Variants in NCKAP5 observed in about 807,000 individuals in gnomAD.
NCKAP5 encodes nck-associated protein 5.
A neutral mutation model predicts 167.0 loss-of-function variants in NCKAP5; 92 were observed. That is an observed-to-expected ratio of 0.55 (90% confidence interval 0.47 to 0.66). NCKAP5 has a LOEUF of 0.66. Among genes scored for constraint, NCKAP5 ranks in the 30% least tolerant of loss-of-function variants. NCKAP5 has a pLI of 0.00. For synonymous variants in NCKAP5, 891 were observed against 877.4 expected, an observed-to-expected ratio of 1.02 and a Z score of -0.27; for missense variants, 2,378 against 2,315.0, an observed-to-expected ratio of 1.03 and a Z score of -0.56.
At position 133,195,283 on chromosome 2, in the gene NCKAP5, G is replaced by A. The variant is rs116822779; in HGVS notation, c.207+18433C>T. Reference sequence around the variant, plus strand: ...GCTATCGAAATGACAAAAGTTAAAAGTTTCAGAATATATGATTATTAGGTG... The same window carrying A: ...GCTATCGAAATGACAAAAGTTAAAAATTTCAGAATATATGATTATTAGGTG... On this transcript the variant is annotated intron_variant, in intron 5 of 19. Transcript: ENST00000409261. Among the ~76,000 whole-genome samples, 1,449 of 152,228 alleles carry A rather than the reference G, an allele frequency of 9.5e-3. 26 individuals carry two copies. The highest frequency in any genetic ancestry group is 0.033 in the African/African-American group (1,386 of 41,534).
intron 3 of NCKAP5, among the ~76,000 whole-genome samples, chr2:133,449,728 C>T (rs558033216): frequency 6.6e-6 from 1 of 152,140 alleles, no homozygotes; most frequent in East Asian, 1.9e-4. Context: ...TTGACTTTAC[C>T]ACCTTTTCTC....
At chr2:133,238,167 T>C (rs990592983) in intron 4 of NCKAP5, among the ~76,000 whole-genome samples, 1 of 152,224 alleles carries the variant, frequency 6.6e-6, no homozygotes, top group Admixed American at 6.5e-5. Flanking sequence ...TTTAATTATA[T>C]GAGCACACCT....
At chr2:132,795,809 A>AC (rs1422923332) in intron 12 of NCKAP5, among the ~76,000 whole-genome samples, 5 of 128,528 alleles carry the variant, frequency 3.9e-5, no homozygotes, top group Non-Finnish European at 8.0e-5. Flanking sequence ...ACAGGATGAG[A>AC]CCCCGTATCA....
intron 8 of NCKAP5, among the ~76,000 whole-genome samples, chr2:132,932,376 C>T (rs1696451455): frequency 6.6e-6 from 1 of 151,694 alleles, no homozygotes; most frequent in Admixed American, 6.6e-5. Context: ...AGCGAAAGTT[C>T]CCCTAATTGT....
chr2:133,584,872 TA>T, the NCKAP5 span, among the ~76,000 whole-genome samples: 1 of 150,812 alleles, frequency 6.6e-6, no homozygotes, highest in African/African-American at 2.4e-5. Context: ...CAATAGTTAA[TA>T]AAACTGTATT....
intron 11 of NCKAP5, among the ~76,000 whole-genome samples, chr2:132,848,134 A>T (rs720474): frequency 0.079 from 11,975 of 152,242 alleles, 948 homozygotes; most frequent in African/African-American, 0.19. Flanking sequence ...GCTACTGAAA[A>T]GAACAGTATG....
At chr2:133,038,556 G>C (rs2079110073) in intron 6 of NCKAP5, among the ~76,000 whole-genome samples, 1 of 152,090 alleles carries the variant, frequency 6.6e-6, no homozygotes, top group Admixed American at 6.6e-5. Flanking sequence ...TCTACTATTT[G>C]ATAGCTCAAC....
At position 132,843,383 on chromosome 2, in the gene NCKAP5, T is replaced by G. The variant is rs182700193; in HGVS notation, c.807+17109A>C. 6.1e-3 allele frequency among the ~76,000 whole-genome samples: 925 copies of G among 152,252 alleles called. 7 individuals carry two copies. Among genetic ancestry groups the G allele is most frequent in the Non-Finnish European group, 5.9e-3 (404 of 67,990 alleles). ...TATGTTTAACTGCTTTGGTTTTTGG[T>G]GTATACAATTTTATGACTTAAATTT... On this transcript the variant is annotated intron_variant, in intron 11 of 19. Transcript: ENST00000409261.
At chr2:133,485,106 G>A (rs1680792475) in intron 3 of NCKAP5, among the ~76,000 whole-genome samples, 1 of 152,126 alleles carries the variant, frequency 6.6e-6, no homozygotes, top group Admixed American at 6.5e-5. Context: ...CCTTAATGAG[G>A]TCAGTGCTCA....
Position 133,380,586 on chromosome 2 carries a change from T to A in NCKAP5, c.70-77476A>T, listed in dbSNP as rs900631496. On this transcript the variant is annotated intron_variant, in intron 3 of 19. Coordinates refer to ENST00000409261, the MANE Select transcript of NCKAP5 (RefSeq NM_207363.3). ...TCCAAGGTAAGTAGCTTTAGGGTCT[T>A]GTCTAACTTCCAAACATTCAGCTCT... Among the ~76,000 whole-genome samples, 3 of 152,338 alleles carry A rather than the reference T, an allele frequency of 2.0e-5. No individual in the cohort carries two copies. The East Asian group carries it at 5.8e-4, about 29-fold the overall frequency.
chr2:132,808,704 T>A (rs1285997535), intron 11 of NCKAP5, among the ~76,000 whole-genome samples: 3 of 152,094 alleles, frequency 2.0e-5, no homozygotes, highest in African/African-American at 7.2e-5. Context: ...ATCTTTTCAA[T>A]GAACCAGTTT....
At chr2:133,018,981 T>C (rs1372172822) in intron 6 of NCKAP5, among the ~76,000 whole-genome samples, 3 of 152,208 alleles carry the variant, frequency 2.0e-5, no homozygotes, top group Non-Finnish European at 4.4e-5. Context: ...AGTTCTTGCT[T>C]ACTAAAATGC....
chr2:132,725,483 A>G, intron 19 of NCKAP5, 144 bp downstream of exon 19: 3 of 972,718 alleles, frequency 3.1e-6, no homozygotes, highest in Non-Finnish European at 4.4e-6. Flanking sequence ...AATCTTCTGT[A>G]TGTACCAGAA....
intron 4 of NCKAP5, among the ~76,000 whole-genome samples, chr2:133,221,145 T>C (rs1308183962): frequency 6.6e-6 from 1 of 152,210 alleles, no homozygotes; most frequent in African/African-American, 2.4e-5. Flanking sequence ...GATCACTTGA[T>C]CTTTCCAGGA....
chr2:133,551,136 G>A (rs925850957), intron 2 of NCKAP5, among the ~76,000 whole-genome samples: 5 of 152,002 alleles, frequency 3.3e-5, no homozygotes, highest in Non-Finnish European at 7.4e-5. Flanking sequence ...TCATGGGTAG[G>A]AAGAATCAAT....
At chr2:132,780,981 A>T in intron 15 of NCKAP5, 71 bp downstream of exon 15, 1 of 1,468,054 alleles carries the variant, frequency 6.8e-7, no homozygotes. Context: ...TTTCATTAGC[A>T]AACGGTAGAA....
intron 3 of NCKAP5, among the ~76,000 whole-genome samples, chr2:133,453,431 C>T (rs1691667277): frequency 6.6e-6 from 1 of 152,022 alleles, no homozygotes; most frequent in South Asian, 2.1e-4. Context: ...CAGCATTGAC[C>T]AAATAACTTC....
Position 133,197,684 on chromosome 2 carries a change from C to T in NCKAP5, c.207+16032G>A, listed in dbSNP as rs149272611. ...AAGAGCAAACAGCTGGGCATGATGG[C>T]TCATGCCTGTAATCCCAGCACTTTG... On this transcript the variant is annotated intron_variant, in intron 5 of 19. Coordinates refer to ENST00000409261, the MANE Select transcript of NCKAP5 (RefSeq NM_207363.3). 9.6e-3 allele frequency among the ~76,000 whole-genome samples: 1,455 copies of T among 152,194 alleles called. 26 individuals are homozygous for T. The highest frequency in any genetic ancestry group is 0.034 in the African/African-American group (1,392 of 41,546).
At chr2:133,106,493 C>G (rs1252170893) in intron 6 of NCKAP5, among the ~76,000 whole-genome samples, 4 of 152,052 alleles carry the variant, frequency 2.6e-5, no homozygotes, top group Non-Finnish European at 5.9e-5. Context: ...GGCATCAGCC[C>G]AAATGCTAGT....
Sources: allele counts gnomAD v4.1 joint callset (sites outside exome capture counted in the v4.1 genomes callset), GRCh38; gene constraint gnomAD v4.1.1; transcripts MANE v1.5; gene names NCBI Gene and HGNC (gene_info 2026-07-23, HGNC 2026-07-21).